Variants in GBF1 observed in about 807,000 individuals in gnomAD.
GBF1 encodes golgi brefeldin A resistant guanine nucleotide exchange factor 1.
GBF1 carries 114 observed loss-of-function variants against 210.5 expected under a neutral mutation model. The observed-to-expected ratio is 0.54, with a 90% CI of 0.47 to 0.63. The LOEUF is 0.63. Among genes scored for constraint, GBF1 ranks in the 30% least tolerant of loss-of-function variants. GBF1 has a pLI of 0.00. For synonymous variants in GBF1, 850 were observed against 889.2 expected, an observed-to-expected ratio of 0.96 and a Z score of 0.78; for missense variants, 1,851 against 2,357.7, an observed-to-expected ratio of 0.79 and a Z score of 4.45.
chr10:102,351,193 C>A, intron 4 of GBF1, 63 bp from the exon 5 acceptor site: 8 of 920,512 alleles, frequency 8.7e-6, no homozygotes, highest in Non-Finnish European at 1.4e-5. Context: ...GCTAGACAGG[C>A]TGCCTTACCT....
chr10:102,375,697 C>T, intron 30 of GBF1, 113 bp downstream of exon 30: 2 of 683,242 alleles, frequency 2.9e-6, no homozygotes, highest in Non-Finnish European at 5.1e-6. Context: ...ACAGCCCTGG[C>T]TCCTGCCATC....
At chr10:102,293,267 G>A (rs1172288446) in intron 3 of GBF1, among the ~76,000 whole-genome samples, 1 of 152,158 alleles carries the variant, frequency 6.6e-6, no homozygotes, top group Admixed American at 6.6e-5. Context: ...CCATCATAAT[G>A]TCATAGTATA....
intron 1 of GBF1, among the ~76,000 whole-genome samples, chr10:102,258,257 C>T (rs1189169634): frequency 2.0e-5 from 3 of 148,660 alleles, no homozygotes; most frequent in African/African-American, 5.0e-5. Context: ...CAGGTCCAAG[C>T]AATTCTCCCA....
chr10:102,353,559 C>T (rs752453242), intron 7 of GBF1, 41 bp from the exon 8 acceptor site: 4 of 1,380,048 alleles, frequency 2.9e-6, no homozygotes, highest in Middle Eastern at 1.8e-4. Flanking sequence ...AGACATTTGT[C>T]ATTATCCCTA....
intron 3 of GBF1, among the ~76,000 whole-genome samples, chr10:102,306,117 A>G (rs1221752427): frequency 6.6e-5 from 10 of 152,356 alleles, no homozygotes; most frequent in African/African-American, 2.4e-4. Context: ...GGGCTTTATC[A>G]TAATTAGCTG....
intron 17 of GBF1, among the ~76,000 whole-genome samples, chr10:102,365,182 A>G (rs1190756856): frequency 6.6e-6 from 1 of 152,224 alleles, no homozygotes; most frequent in Admixed American, 6.5e-5. Flanking sequence ...CACTCAGGAA[A>G]GGAGTAAAAA....
rs2059907316 is a variant in GBF1, at chr10:102,366,273, C to T, written c.2310-110C>T. The T allele has an allele frequency of 1.8e-6, 2 of 1,137,282 alleles. No individual in the cohort carries two copies. The highest frequency in any genetic ancestry group is 1.9e-5 in the Admixed American group (1 of 52,736). 70.4% of individuals were successfully genotyped at this position (1,137,282 alleles called of 1,614,324 possible). On this transcript the variant is annotated intron_variant, in intron 18 of 39. Transcript: ENST00000369983. This position sits in a 1 kb window ranked among gnomAD's most constrained non-coding sequence, Gnocchi z 4.0. ...GGAGATACTGCCCCTTTACTAGAGA[C>T]CTCAGCCTCCTCTCTTCCAGTAAGA...
Position 102,369,387 on chromosome 10 carries a change from GGTAATTCTTA to G in GBF1, c.3150+4_3150+13del, listed in dbSNP as rs781092642. Reference sequence around the variant, plus strand: ...AACTACTGCCCAAGGCTATGATAGAGGTAATTCTTAGTAGGAGACTAGTGAGCGATAACAA... The same window carrying G: ...AACTACTGCCCAAGGCTATGATAGAGGTAGGAGACTAGTGAGCGATAACAA... On this transcript the variant is annotated splice_donor_variant and splice_donor_5th_base_variant and intron_variant, in intron 24 of 39. Transcript: ENST00000369983. LOFTEE classifies it high-confidence loss of function. The G allele has an allele frequency of 6.2e-7, 1 of 1,608,886 alleles. No individual in the cohort carries two copies. Among genetic ancestry groups the G allele is most frequent in the Non-Finnish European group, 8.5e-7 (1 of 1,175,432 alleles).
rs746294362 is a variant in GBF1, at chr10:102,255,800, C to T, written c.-10-3129C>T. Reference sequence around the variant, plus strand: ...TGGTTGTACATTCATATCATTGACACTTCTCAGAAGAGAACGTTGTTGTGT... The same window carrying T: ...TGGTTGTACATTCATATCATTGACATTTCTCAGAAGAGAACGTTGTTGTGT... On this transcript the variant is annotated intron_variant, in intron 1 of 39. Transcript: ENST00000369983. Among the ~76,000 whole-genome samples, 5 of 152,224 alleles carry T rather than the reference C, an allele frequency of 3.3e-5. No homozygotes were observed. In the East Asian group the frequency reaches 7.7e-4, roughly 23 times the overall value.
chr10:102,235,404 G>T, the GBF1 span, among the ~76,000 whole-genome samples: 3 of 152,126 alleles, frequency 2.0e-5, no homozygotes, highest in Non-Finnish European at 2.9e-5. Context: ...ATAGCCCAAA[G>T]AAATTAGGTT....
chr10:102,363,680 A>G lies in GBF1; in HGVS notation c.2018-30A>G, dbSNP rs1452308832. 7.0e-7 allele frequency: 1 copy of G among 1,437,390 alleles called. No homozygotes were observed. Among genetic ancestry groups the G allele is most frequent in the Admixed American group, 1.7e-5 (1 of 59,570 alleles). The allele number at this position is 1,437,390 out of a possible 1,614,324, so 89.0% of individuals were successfully genotyped here. ...ATCTGGGTAAAAAAAGGTGTTACAG[A>G]TATTTCCCCCCTCTTCTTCCTACTC... On this transcript the variant is annotated intron_variant, in intron 16 of 39. Transcript: ENST00000369983. The surrounding 1 kb of genome is among the most constrained non-coding windows in gnomAD (Gnocchi z 4.2).
the GBF1 span, chr10:102,230,703 G>C: frequency 5.1e-6 from 8 of 1,558,182 alleles, no homozygotes; most frequent in Non-Finnish European, 6.9e-6. Context: ...CGGCGGCCGA[G>C]GCATAAGGGC....
At chr10:102,312,599 C>T (rs974466067) in intron 3 of GBF1, among the ~76,000 whole-genome samples, 2 of 152,164 alleles carry the variant, frequency 1.3e-5, no homozygotes, top group Non-Finnish European at 2.9e-5. Flanking sequence ...GACCTGCTGT[C>T]GTCTATGCAG....
intron 8 of GBF1, among the ~76,000 whole-genome samples, chr10:102,354,477 C>G (rs751613937): frequency 2.6e-5 from 4 of 151,584 alleles, no homozygotes; most frequent in Non-Finnish European, 4.4e-5. Context: ...AGGTCTCTCT[C>G]CCTCTCTTTC....
intron 35 of GBF1, 77 bp from the exon 36 acceptor site, chr10:102,379,776 T>C (rs1369876827): frequency 5.4e-6 from 8 of 1,473,676 alleles, no homozygotes; most frequent in Non-Finnish European, 5.7e-6. Context: ...TCTATGCCCA[T>C]CCAGTTCCTG....
chr10:102,286,449 C>G (rs2075963841), intron 3 of GBF1, among the ~76,000 whole-genome samples: 1 of 152,118 alleles, frequency 6.6e-6, no homozygotes, highest in Non-Finnish European at 1.5e-5. Context: ...ATTTATTTGC[C>G]TGGAAGTACA....
intron 3 of GBF1, among the ~76,000 whole-genome samples, chr10:102,281,837 T>A (rs1327186565): frequency 6.6e-6 from 1 of 151,936 alleles, no homozygotes; most frequent in Non-Finnish European, 1.5e-5. Flanking sequence ...CCATCTAGGA[T>A]ACCACATTAC....
At chr10:102,380,420 C>T in intron 37 of GBF1, 58 bp downstream of exon 37, 1 of 1,572,566 alleles carries the variant, frequency 6.4e-7, no homozygotes. Flanking sequence ...GAAGGACTTG[C>T]CCTTTCCCCC....
At chr10:102,313,472 A>G (rs1292704645) in intron 3 of GBF1, among the ~76,000 whole-genome samples, 1 of 152,152 alleles carries the variant, frequency 6.6e-6, no homozygotes, top group Non-Finnish European at 1.5e-5. Context: ...AGCTGCCCCA[A>G]ATACTTGTGA....
Sources: allele counts gnomAD v4.1 joint callset (sites outside exome capture counted in the v4.1 genomes callset), GRCh38; gene constraint gnomAD v4.1.1; non-coding constraint Gnocchi (gnomAD v3.1); transcripts MANE v1.5; gene names NCBI Gene and HGNC (gene_info 2026-07-23, HGNC 2026-07-21).